The following DGKB variants were observed in gnomAD, a reference collection of about 807,000 sequenced individuals.
DGKB encodes diacylglycerol kinase beta.
DGKB carries 67 observed loss-of-function variants against 114.3 expected under a neutral mutation model. The observed-to-expected ratio is 0.59, with a 90% CI of 0.48 to 0.72. The LOEUF (loss-of-function observed/expected upper bound fraction) is 0.72, where lower values mean the gene tolerates loss of function less well. Ranked by LOEUF, DGKB falls within the 30% of genes least tolerant of loss-of-function variation. DGKB has a pLI of 0.00. For synonymous variants in DGKB, 398 were observed against 323.1 expected (o/e 1.23, Z -2.49); for missense variants, 907 against 975.2 (o/e 0.93, Z 0.93).
chr7:14,203,281 A>G (rs146367717), intron 23 of DGKB, among the ~76,000 whole-genome samples: 3 of 151,836 alleles, frequency 2.0e-5, no homozygotes, highest in Non-Finnish European at 4.4e-5. Flanking sequence ...CCTTATGATG[A>G]TAATTGGATT....
At position 14,901,593 on chromosome 7, in the gene DGKB, T is replaced by A. The variant is rs887949528; in HGVS notation, c.-188+999A>T. Among the ~76,000 whole-genome samples, 10 of 149,478 alleles carry A rather than the reference T, an allele frequency of 6.7e-5. No individual in the cohort carries two copies. The East Asian group carries it at 1.2e-3, about 18-fold the overall frequency. On this transcript the variant is annotated intron_variant, in intron 1 of 25. Coordinates refer to ENST00000402815, the MANE Select transcript of DGKB (RefSeq NM_001350709.2). The stretch of plus-strand genomic sequence containing the variant: ...TTTTGTGTAATATATGCTTTCTGTT[T>A]GAGGGATTTCCACCCCCCCCCACCC...
chr7:14,524,159 T>C (rs892670954), intron 20 of DGKB, among the ~76,000 whole-genome samples: 1 of 152,176 alleles, frequency 6.6e-6, no homozygotes, highest in African/African-American at 2.4e-5. Context: ...TTGTGTTATA[T>C]TCAGAATATA....
intron 2 of DGKB, among the ~76,000 whole-genome samples, chr7:14,771,069 A>T (rs1220439030): frequency 6.6e-6 from 1 of 152,044 alleles, no homozygotes; most frequent in African/African-American, 2.4e-5. Context: ...GAACTCCCCA[A>T]ATCTCTTTGA....
At chr7:14,684,306 G>C (rs531403517) in intron 10 of DGKB, among the ~76,000 whole-genome samples, 29 of 152,188 alleles carry the variant, frequency 1.9e-4, no homozygotes, top group Non-Finnish European at 1.5e-5. Context: ...ATAAACCATG[G>C]ATGGTATTGG....
intron 13 of DGKB, among the ~76,000 whole-genome samples, chr7:14,641,802 T>G (rs1384904523): frequency 1.2e-4 from 19 of 152,238 alleles, no homozygotes; most frequent in Non-Finnish European, 1.5e-5. Context: ...AAGCATTTTT[T>G]TATTACTCTT....
At chr7:14,591,234 C>G (rs1409840623) in intron 17 of DGKB, among the ~76,000 whole-genome samples, 2 of 152,102 alleles carry the variant, frequency 1.3e-5, no homozygotes, top group Non-Finnish European at 2.9e-5. Context: ...GGATTTCACT[C>G]TGGGGAAACT....
intron 2 of DGKB, among the ~76,000 whole-genome samples, chr7:14,833,949 C>T (rs571994361): frequency 4.6e-5 from 7 of 152,250 alleles, no homozygotes; most frequent in Non-Finnish European, 7.4e-5. Context: ...CATTTCATTG[C>T]TTTGTCATCA....
At chr7:14,967,384 T>C (rs1341063532) in intron 1 of DGKB, among the ~76,000 whole-genome samples, 1 of 152,028 alleles carries the variant, frequency 6.6e-6, no homozygotes, top group Non-Finnish European at 1.5e-5. Flanking sequence ...ACAATGGCAC[T>C]ATCTCAGCTC....
At chr7:14,735,730 C>T (rs773054765) in intron 5 of DGKB, among the ~76,000 whole-genome samples, 1 of 152,272 alleles carries the variant, frequency 6.6e-6, no homozygotes, top group African/African-American at 2.4e-5. Context: ...TTTTCAAATA[C>T]TCAGCAATCT....
chr7:14,735,985 ATT>A (rs1218072606), intron 5 of DGKB, 54 bp downstream of exon 5: 3 of 1,083,764 alleles, frequency 2.8e-6, no homozygotes, highest in Non-Finnish European at 3.8e-6. Flanking sequence ...ATAACTAGAT[ATT>A]TATTTAGCCT....
At chr7:14,624,877 T>G (rs1469338159) in intron 14 of DGKB, among the ~76,000 whole-genome samples, 1 of 151,974 alleles carries the variant, frequency 6.6e-6, no homozygotes, top group Non-Finnish European at 1.5e-5. Context: ...TGGACACCTG[T>G]GGTCCCAGTT....
intron 20 of DGKB, among the ~76,000 whole-genome samples, chr7:14,479,608 G>T (rs1284567768): frequency 6.6e-6 from 1 of 152,028 alleles, no homozygotes; most frequent in Non-Finnish European, 1.5e-5. Flanking sequence ...CAAATATCAA[G>T]ATGGTTCACT....
chr7:14,629,330 T>C (rs1420781893), intron 14 of DGKB, among the ~76,000 whole-genome samples: 1 of 152,096 alleles, frequency 6.6e-6, no homozygotes, highest in Admixed American at 6.6e-5. Flanking sequence ...TAAGTGTATG[T>C]CCAAGTATTT....
chr7:14,296,357 G>A (rs1329917667), intron 23 of DGKB, among the ~76,000 whole-genome samples: 1 of 152,072 alleles, frequency 6.6e-6, no homozygotes, highest in African/African-American at 2.4e-5. Context: ...TGGCTGCATA[G>A]TATTCCATGG....
chr7:14,970,805 T>C (rs1787418917), intron 1 of DGKB, among the ~76,000 whole-genome samples: 1 of 152,096 alleles, frequency 6.6e-6, no homozygotes, highest in African/African-American at 2.4e-5. Context: ...TGAATCTCTC[T>C]TTCAAATGTT....
At chr7:14,229,007 C>T (rs1370420846) in intron 23 of DGKB, among the ~76,000 whole-genome samples, 1 of 151,600 alleles carries the variant, frequency 6.6e-6, no homozygotes, top group Admixed American at 6.6e-5. Flanking sequence ...AGAAAATGAG[C>T]AGGCTGTGCT....
At chr7:14,357,113 T>C (rs1814707999) in intron 21 of DGKB, among the ~76,000 whole-genome samples, 2 of 152,350 alleles carry the variant, frequency 1.3e-5, no homozygotes, top group South Asian at 2.1e-4. Context: ...CTATTAGGTC[T>C]GCTTGGTGCA....
intron 21 of DGKB, among the ~76,000 whole-genome samples, chr7:14,449,237 T>A (rs975834707): frequency 6.6e-6 from 1 of 152,234 alleles, no homozygotes; most frequent in Middle Eastern, 3.4e-3. Flanking sequence ...TATTTTTTGT[T>A]GATGAGCAAT....
At chr7:14,311,231 G>A (rs982971319) in intron 23 of DGKB, among the ~76,000 whole-genome samples, 1 of 152,154 alleles carries the variant, frequency 6.6e-6, no homozygotes, top group African/African-American at 2.4e-5. Flanking sequence ...CAGATAGTAA[G>A]TAGAGTTTTG....
Sources: gnomAD v4.1 joint callset for allele counts (sites outside exome capture counted in the v4.1 genomes callset) on GRCh38, gnomAD v4.1.1 for gene constraint, MANE v1.5 for transcripts, NCBI Gene and HGNC (gene_info 2026-07-23, HGNC 2026-07-21) for gene names.